MARK4: variants seen among roughly 807,000 people sequenced by gnomAD.
The protein encoded by MARK4 is microtubule affinity regulating kinase 4, also known as MAP/microtubule affinity-regulating kinase 4.
In MARK4, 19 loss-of-function variants were observed where a neutral mutation model predicts 81.5. The ratio of observed to expected loss-of-function variants is 0.23; its 90% CI spans 0.16 to 0.34. MARK4 has a LOEUF of 0.34. Among genes scored for constraint, MARK4 ranks in the 10% least tolerant of loss-of-function variants. The pLI is 1.00. For synonymous variants in MARK4, 436 were observed against 439.0 expected (o/e 0.99, Z 0.08); for missense variants, 772 against 1,058.8 (o/e 0.73, Z 3.76).
intron 1 of MARK4, 54 bp from the exon 2 acceptor site, chr19:45,258,935 C>A: frequency 6.3e-7 from 1 of 1,578,392 alleles, no homozygotes. Context: ...CACTAGCCCA[C>A]GGGTTCCACG....
intron 13 of MARK4, among the ~76,000 whole-genome samples, chr19:45,292,033 T>C (rs926464111): frequency 2.0e-5 from 3 of 152,208 alleles, no homozygotes; most frequent in African/African-American, 4.8e-5. Context: ...ACCCAACTTA[T>C]ATGCAGAACC....
At chr19:45,260,070 G>A (rs952674731) in intron 2 of MARK4, among the ~76,000 whole-genome samples, 4 of 151,960 alleles carry the variant, frequency 2.6e-5, no homozygotes, top group African/African-American at 9.7e-5. Flanking sequence ...CTGGGTGACA[G>A]AGTGAGACTC....
At chr19:45,252,221 C>T (rs1052736454) in intron 1 of MARK4, among the ~76,000 whole-genome samples, 1 of 151,968 alleles carries the variant, frequency 6.6e-6, no homozygotes, top group Non-Finnish European at 1.5e-5. Flanking sequence ...CTCTCCTGGG[C>T]CCCGGCCCTT....
intron 16 of MARK4, among the ~76,000 whole-genome samples, chr19:45,300,555 A>G (rs1164536937): frequency 6.6e-6 from 1 of 152,128 alleles, no homozygotes; most frequent in East Asian, 1.9e-4. Flanking sequence ...ACGCCTGTTC[A>G]GTTGTGCCAT....
intron 2 of MARK4, among the ~76,000 whole-genome samples, chr19:45,260,914 A>G (rs1169141167): frequency 6.6e-6 from 1 of 152,074 alleles, no homozygotes; most frequent in African/African-American, 2.4e-5. Flanking sequence ...GAGTATGGTG[A>G]CATTATTGCA....
chr19:45,255,856 C>T (rs1970300997), intron 1 of MARK4, among the ~76,000 whole-genome samples: 2 of 151,572 alleles, frequency 1.3e-5, no homozygotes, highest in African/African-American at 2.4e-5. Flanking sequence ...ACTGCCTTGG[C>T]GGGAGGCCTC....
chr19:45,297,668 G>A lies in MARK4; in HGVS notation c.1599-8G>A, dbSNP rs775710535. On this transcript the variant is annotated splice_region_variant and splice_polypyrimidine_tract_variant and intron_variant, in intron 14 of 16. Coordinates refer to ENST00000262891, the MANE Select transcript of MARK4 (RefSeq NM_001199867.2). ...CCCCCACCCTGACTTGTCTGTCTCTGCCCACAGCTCAGGCACCCCACGGGT... is the reference window on the plus strand; with the variant it reads ...CCCCCACCCTGACTTGTCTGTCTCTACCCACAGCTCAGGCACCCCACGGGT... 4.6e-6 allele frequency: 7 copies of A among 1,513,658 alleles called. No homozygotes were observed. The South Asian group carries it at 8.0e-5, about 17-fold the overall frequency. The allele number at this position is 1,513,658 out of a possible 1,614,324, so 93.8% of individuals were successfully genotyped here.
chr19:45,269,074 A>G (rs1970492170), intron 7 of MARK4, among the ~76,000 whole-genome samples: 1 of 152,156 alleles, frequency 6.6e-6, no homozygotes, highest in African/African-American at 2.4e-5. Flanking sequence ...CTCAAATGGC[A>G]GGAAAAGAAA....
chr19:45,280,869 A>AT, intron 12 of MARK4, 135 bp downstream of exon 12: 2 of 1,261,394 alleles, frequency 1.6e-6, no homozygotes, highest in Middle Eastern at 2.8e-4. Context: ...AATGTCTTAT[A>AT]AAGACACAGG....
At chr19:45,278,370 A>G (rs1291730113) in intron 9 of MARK4, 146 bp from the exon 10 acceptor site, 9 of 741,762 alleles carry the variant, frequency 1.2e-5, no homozygotes, top group African/African-American at 7.0e-5. Flanking sequence ...GACGTGGGGG[A>G]GAGAGAGGCC....
chr19:45,283,409 CAAAAAAAAAAAAAA>C (rs869039919), intron 12 of MARK4, among the ~76,000 whole-genome samples: 5 of 86,406 alleles, frequency 5.8e-5, no homozygotes, highest in South Asian at 4.3e-4. Flanking sequence ...GACTTCCTCT[CAAAAAAAAAAAAAA>C]AAAAAAAAAA....
At chr19:45,254,951 A>T (rs1319155156) in intron 1 of MARK4, among the ~76,000 whole-genome samples, 1 of 152,222 alleles carries the variant, frequency 6.6e-6, no homozygotes, top group Non-Finnish European at 1.5e-5. Context: ...CTATAATCCC[A>T]GAACTTTGGG....
chr19:45,280,804 G>T, intron 12 of MARK4, 70 bp downstream of exon 12: 1 of 1,579,816 alleles, frequency 6.3e-7, no homozygotes, highest in South Asian at 1.1e-5. Context: ...TTACGTCAGG[G>T]TTCTCTGATT....
intron 13 of MARK4, 41 bp downstream of exon 13, chr19:45,287,705 C>T (rs1970764223): frequency 6.3e-7 from 1 of 1,580,138 alleles, no homozygotes; most frequent in Non-Finnish European, 8.6e-7. Context: ...GGGGCGCCAC[C>T]TGGGCCACAT....
At chr19:45,266,524 G>T (rs941058808) in intron 7 of MARK4, among the ~76,000 whole-genome samples, 4 of 152,040 alleles carry the variant, frequency 2.6e-5, no homozygotes, top group African/African-American at 7.2e-5. Context: ...AAAGCAGGGA[G>T]AAACAAAGTG....
rs900399682 is a variant in MARK4, at chr19:45,251,510, G to C, written c.-79G>C. The C allele has an allele frequency of 3.0e-5, 25 of 823,082 alleles. No individual in the cohort carries two copies. In the Admixed American group the frequency reaches 6.9e-4, roughly 23 times the overall value. The allele number at this position is 823,082 out of a possible 1,614,324, so 51.0% of individuals were successfully genotyped here. On this transcript the variant is annotated 5_prime_UTR_variant, in exon 1 of 17. Transcript: ENST00000262891. ...TGAGCTCGCGTCCCCAGGCCGGCGG[G>C]GGGGGAGGGGAAGAGAGGGGACCCT... is the stretch of plus-strand genomic sequence containing the variant.
At chr19:45,273,125 G>A (rs1970551306) in intron 8 of MARK4, among the ~76,000 whole-genome samples, 2 of 151,072 alleles carry the variant, frequency 1.3e-5, no homozygotes, top group Admixed American at 6.7e-5. Context: ...GGGCTGAGTT[G>A]TTGCTTGCTT....
chr19:45,252,025 C>A (rs1046186043), intron 1 of MARK4, among the ~76,000 whole-genome samples: 1 of 152,102 alleles, frequency 6.6e-6, no homozygotes, highest in Non-Finnish European at 1.5e-5. Flanking sequence ...CCCCTGACCC[C>A]CCAAGGCCCG....
intron 1 of MARK4, among the ~76,000 whole-genome samples, chr19:45,253,697 C>A (rs1970272856): frequency 6.6e-6 from 1 of 152,188 alleles, no homozygotes; most frequent in Non-Finnish European, 1.5e-5. Context: ...GATGGCCCCC[C>A]ACTGTTAGGG....
Sources: gnomAD v4.1 joint callset for allele counts (sites outside exome capture counted in the v4.1 genomes callset) on GRCh38, gnomAD v4.1.1 for gene constraint, MANE v1.5 for transcripts, NCBI Gene and HGNC (gene_info 2026-07-23, HGNC 2026-07-21) for gene names.